The following CAPN13 variants were observed in gnomAD, a reference collection of about 807,000 sequenced individuals.
The protein encoded by CAPN13 is calpain-13.
In CAPN13, 90 loss-of-function variants were observed where a neutral mutation model predicts 98.4. That is an observed-to-expected ratio of 0.92 (90% confidence interval 0.77 to 1.09). The LOEUF (loss-of-function observed/expected upper bound fraction) is 1.09. Among genes scored for constraint, CAPN13 ranks in the 50% least tolerant of loss-of-function variants. The probability of loss-of-function intolerance (pLI) is 0.00; values close to 1 mark genes in which losing one functional copy is unlikely to be tolerated. For synonymous variants in CAPN13, 330 were observed against 305.5 expected, an observed-to-expected ratio of 1.08 and a Z score of -0.84; for missense variants, 887 against 841.3, an observed-to-expected ratio of 1.05 and a Z score of -0.67.
chr2:30,788,915 T>C (rs1674465299), intron 1 of CAPN13, among the ~76,000 whole-genome samples: 1 of 152,220 alleles, frequency 6.6e-6, no homozygotes, highest in Non-Finnish European at 1.5e-5. Context: ...ACTATTAGAT[T>C]GGACCATACA....
chr2:30,740,480 AAACT>A (rs1202633757), intron 15 of CAPN13, among the ~76,000 whole-genome samples: 3 of 152,218 alleles, frequency 2.0e-5, no homozygotes, highest in Non-Finnish European at 4.4e-5. Context: ...ATTTTGCTTT[AAACT>A]TTCTTTGGAG....
chr2:30,767,322 T>C (rs191136871), intron 5 of CAPN13, among the ~76,000 whole-genome samples: 134 of 152,328 alleles, frequency 8.8e-4, no homozygotes, highest in African/African-American at 3.1e-3. Flanking sequence ...TTTAAACAGC[T>C]TTAATAGTTT....
intron 5 of CAPN13, among the ~76,000 whole-genome samples, chr2:30,770,030 C>T (rs866585924): frequency 9.9e-5 from 15 of 152,252 alleles, no homozygotes; most frequent in Middle Eastern, 6.8e-3. Flanking sequence ...GGACTTTGAC[C>T]GTGATATTAT....
At position 30,738,394 on chromosome 2, in the gene CAPN13, T is replaced by C; in HGVS notation, c.1594+6A>G. 6.2e-7 allele frequency: 1 copy of C among 1,609,436 alleles called. No individual in the cohort carries two copies. Among genetic ancestry groups the C allele is most frequent in the Non-Finnish European group, 8.5e-7 (1 of 1,177,644 alleles). ...TGGGGCCAGCTTGCCCTTGGGCTGC[T>C]CATACCTGTTAGAAGCTCCTGGTTG... is the stretch of plus-strand genomic sequence containing the variant. On this transcript the variant is annotated splice_donor_region_variant and intron_variant, in intron 16 of 22. Transcript: ENST00000295055.
At chr2:30,766,108 C>T (rs748197704) in intron 5 of CAPN13, among the ~76,000 whole-genome samples, 1 of 152,174 alleles carries the variant, frequency 6.6e-6, no homozygotes, top group Admixed American at 6.5e-5. Flanking sequence ...GTTTGGGAAC[C>T]CATTCCCCAC....
At chr2:30,731,707 G>C (rs1158819280) in intron 20 of CAPN13, among the ~76,000 whole-genome samples, 3 of 152,170 alleles carry the variant, frequency 2.0e-5, no homozygotes, top group Admixed American at 6.5e-5. Context: ...GGATGTGAGG[G>C]CTTGTCATTC....
chr2:30,759,844 T>C (rs780541771), intron 7 of CAPN13, among the ~76,000 whole-genome samples: 11 of 152,180 alleles, frequency 7.2e-5, no homozygotes, highest in Non-Finnish European at 1.3e-4. Context: ...AGCCACCTGG[T>C]CAATTCCCAT....
chr2:30,777,106 A>C (rs764152256), intron 3 of CAPN13, among the ~76,000 whole-genome samples: 2 of 152,074 alleles, frequency 1.3e-5, no homozygotes, highest in Non-Finnish European at 2.9e-5. Context: ...TCTTGGCCAC[A>C]CCTGGAACAG....
chr2:30,754,045 C>G (rs1672312492), intron 9 of CAPN13, among the ~76,000 whole-genome samples: 1 of 152,166 alleles, frequency 6.6e-6, no homozygotes, highest in Admixed American at 6.5e-5. Flanking sequence ...CCAATGTTCT[C>G]TTTTACTATT....
intron 1 of CAPN13, among the ~76,000 whole-genome samples, chr2:30,795,033 T>C (rs1674785612): frequency 6.6e-6 from 1 of 151,946 alleles, no homozygotes; most frequent in Non-Finnish European, 1.5e-5. Context: ...CTAAGTAGAG[T>C]TGTTTCAAAA....
intron 4 of CAPN13, 50 bp from the exon 5 acceptor site, chr2:30,770,499 C>A: frequency 6.3e-7 from 1 of 1,594,312 alleles, no homozygotes; most frequent in Non-Finnish European, 8.6e-7. Flanking sequence ...CAGAAGGGAG[C>A]TCCTGGGTCC....
intron 1 of CAPN13, among the ~76,000 whole-genome samples, chr2:30,800,117 AAAGAAAG>A (rs1203303895): frequency 1.8e-4 from 2 of 11,418 alleles, no homozygotes; most frequent in Admixed American, 2.3e-3. Flanking sequence ...AAAAGAAAGA[AAAGAAAG>A]AAAGAAAGAA....
At position 30,738,258 on chromosome 2, in the gene CAPN13, G is replaced by C. The variant is rs376232176; in HGVS notation, c.1630C>G (p.Arg544Gly). 1.9e-6 allele frequency: 3 copies of C among 1,613,966 alleles called. 1 individual carries two copies. In the South Asian group the frequency reaches 3.3e-5, roughly 18 times the overall value. Residue 544 changes from arginine to glycine, a missense_variant, in exon 17 of 23, where the codon CGC (arginine) becomes GGC (glycine). Arg to Gly is a moderately radical substitution (Grantham distance 125). Coordinates refer to ENST00000295055, the MANE Select transcript of CAPN13 (RefSeq NM_144575.3). ...PGDMFSLDEC[R>G]SLVALMELKV... The stretch of plus-strand genomic sequence containing the variant: ...ACTTCCATCAGAGCCACCAAGCTGC[G>C]GCACTCATCTAAGGAGAACATGTCC...
intron 9 of CAPN13, among the ~76,000 whole-genome samples, chr2:30,753,859 GTGA>G (rs1672301368): frequency 6.6e-6 from 1 of 152,102 alleles, no homozygotes; most frequent in African/African-American, 2.4e-5. Flanking sequence ...TGACTTCTGG[GTGA>G]TGAAGTCCAT....
At chr2:30,777,141 C>T (rs2148052268) in intron 3 of CAPN13, among the ~76,000 whole-genome samples, 1 of 152,326 alleles carries the variant, frequency 6.6e-6, no homozygotes, top group South Asian at 2.1e-4. Flanking sequence ...CTTAGGCAGC[C>T]CCTCCTGTTT....
chr2:30,754,376 C>T lies in CAPN13; in HGVS notation c.867-12G>A. 1 of 1,591,026 alleles carries T rather than the reference C, an allele frequency of 6.3e-7. No individual in the cohort carries two copies. The highest frequency in any genetic ancestry group is 1.8e-5 in the Admixed American group (1 of 55,244). Reference sequence around the variant, plus strand: ...CCCACTCCTGAGACCTGAGCATGGACACACAAACCACAGGGTGAGATTTTC... The same window carrying T: ...CCCACTCCTGAGACCTGAGCATGGATACACAAACCACAGGGTGAGATTTTC... On this transcript the variant is annotated splice_polypyrimidine_tract_variant and intron_variant, in intron 8 of 22. Transcript: ENST00000295055.
chr2:30,730,141 A>G (rs2147941540), intron 22 of CAPN13, among the ~76,000 whole-genome samples: 1 of 152,334 alleles, frequency 6.6e-6, no homozygotes, highest in South Asian at 2.1e-4. Context: ...GAATTCTAGA[A>G]GACTGATGGG....
At chr2:30,804,247 C>A (rs1228234898) in intron 1 of CAPN13, among the ~76,000 whole-genome samples, 1 of 152,224 alleles carries the variant, frequency 6.6e-6, no homozygotes, top group Non-Finnish European at 1.5e-5. Flanking sequence ...GTCAGCAAGG[C>A]TGGAGTGCAG....
chr2:30,733,039 C>T (rs775223194), intron 19 of CAPN13, among the ~76,000 whole-genome samples: 16 of 152,136 alleles, frequency 1.1e-4, no homozygotes, highest in African/African-American at 2.7e-4. Flanking sequence ...TGACCCTTGG[C>T]GGGAGAGCAG....
Sources: gnomAD v4.1 joint callset for allele counts (sites outside exome capture counted in the v4.1 genomes callset) on GRCh38, gnomAD v4.1.1 for gene constraint, MANE v1.5 for transcripts, NCBI Gene and HGNC (gene_info 2026-07-23, HGNC 2026-07-21) for gene names.